Variants in PIGB observed in about 807,000 individuals in gnomAD.
The protein encoded by PIGB is GPI alpha-1,2-mannosyltransferase 3.
Under a neutral mutation model 68.4 loss-of-function variants are expected in PIGB, and 58 were observed. The ratio of observed to expected loss-of-function variants is 0.85; its 90% CI spans 0.69 to 1.06. The LOEUF (loss-of-function observed/expected upper bound fraction) is 1.06. Ranked by LOEUF, PIGB falls within the 50% of genes least tolerant of loss-of-function variation. PIGB has a pLI of 0.00. For synonymous variants in PIGB, 219 were observed against 220.5 expected (o/e 0.99, Z 0.06); for missense variants, 634 against 655.8 (o/e 0.97, Z 0.36).
At chr15:55,344,884 T>G (rs1418524814) in intron 9 of PIGB, among the ~76,000 whole-genome samples, 3 of 149,506 alleles carry the variant, frequency 2.0e-5, no homozygotes, top group Non-Finnish European at 4.4e-5. Context: ...TTTTCCATAT[T>G]CTTATCTTTT....
rs182034904 is a variant in PIGB at position 55,326,584 on chromosome 15, T to C, written c.418-947T>C. Among the ~76,000 whole-genome samples the C allele has an allele frequency of 9.2e-4, 140 of 152,276 alleles. 2 individuals carry two copies. The highest frequency in any genetic ancestry group is 3.3e-3 in the African/African-American group (137 of 41,560). Reference sequence around the variant, plus strand: ...TAAATATACTTTTAAAATAGAAACTTGGCCGAGCACGGTGGCTTACACCTG... The same window carrying C: ...TAAATATACTTTTAAAATAGAAACTCGGCCGAGCACGGTGGCTTACACCTG... On this transcript the variant is annotated intron_variant, in intron 3 of 11. Transcript: ENST00000164305.
intron 10 of PIGB, among the ~76,000 whole-genome samples, chr15:55,352,107 C>T (rs2055939217): frequency 6.6e-6 from 1 of 151,530 alleles, no homozygotes; most frequent in Admixed American, 6.6e-5. Flanking sequence ...TGCCACCATG[C>T]CCGGCTAATT....
At chr15:55,321,646 CTTT>C (rs966940527) in intron 3 of PIGB, among the ~76,000 whole-genome samples, 4,811 of 68,784 alleles carry the variant, frequency 0.07, 61 homozygotes, top group African/African-American at 0.15. Context: ...ATACTTCTTT[CTTT>C]TTTTTTTTTT....
intron 10 of PIGB, among the ~76,000 whole-genome samples, chr15:55,352,451 C>T (rs1213303284): frequency 2.6e-5 from 4 of 152,168 alleles, no homozygotes; most frequent in Non-Finnish European, 1.5e-5. Context: ...ACTAATTACC[C>T]AGTAATGGTA....
chr15:55,341,758 T>C lies in PIGB; in HGVS notation c.1079T>C (p.Phe360Ser). ...LVYSMLSHKE[F>S]RFIYPVLPFC... ...TACAGCATGTTGAGCCACAAAGAATTCAGGTTTATTTATCCAGTTTTACCA... is the reference window on the plus strand; with the variant it reads ...TACAGCATGTTGAGCCACAAAGAATCCAGGTTTATTTATCCAGTTTTACCA... Residue 360 changes from phenylalanine to serine, a missense_variant, in exon 9 of 12, where the codon TTC becomes TCC. Coordinates refer to ENST00000164305, the MANE Select transcript of PIGB (RefSeq NM_004855.5). 1 of 1,457,066 alleles carries C rather than the reference T, an allele frequency of 6.9e-7. No individual in the cohort carries two copies. Among genetic ancestry groups the C allele is most frequent in the Middle Eastern group, 2.0e-4 (1 of 4,886 alleles). The allele number at this position is 1,457,066 out of a possible 1,614,324, so 90.3% of individuals were successfully genotyped here. A position where few individuals can be genotyped will look rare whatever the true frequency, so the allele number is the denominator to read the frequency against.
rs750426912 is a variant in PIGB, at chr15:55,340,603, C to T, written c.847-9C>T. 1.2e-5 allele frequency: 19 copies of T among 1,590,882 alleles called. No homozygotes were observed. The highest frequency in any genetic ancestry group is 1.1e-4 in the East Asian group (5 of 44,550). On this transcript the variant is annotated splice_polypyrimidine_tract_variant and intron_variant, in intron 7 of 11. Coordinates refer to ENST00000164305, the MANE Select transcript of PIGB (RefSeq NM_004855.5). ...ACATTTCTATTTATTTTTCCTTCAA[C>T]GGTGCCAGTGGACTCTGGTTCAATT... is the stretch of plus-strand genomic sequence containing the variant.
At chr15:55,331,650 T>A (rs1011213848) in intron 5 of PIGB, among the ~76,000 whole-genome samples, 1 of 151,730 alleles carries the variant, frequency 6.6e-6, no homozygotes, top group Non-Finnish European at 1.5e-5. Flanking sequence ...GAGGCAGGGG[T>A]TGCAGTCAGT....
At chr15:55,344,890 CTTTTTTTTTTT>C (rs1164109873) in intron 9 of PIGB, among the ~76,000 whole-genome samples, 13 of 98,904 alleles carry the variant, frequency 1.3e-4, no homozygotes, top group African/African-American at 5.5e-4. Flanking sequence ...ATATTCTTAT[CTTTTTTTTTTT>C]TTTTTTTTTT....
intron 9 of PIGB, among the ~76,000 whole-genome samples, chr15:55,344,794 C>G (rs1447439657): frequency 2.0e-5 from 3 of 151,884 alleles, no homozygotes; most frequent in African/African-American, 2.4e-5. Flanking sequence ...GCACCCACTA[C>G]TGATTCTGAG....
chr15:55,336,758 C>T (rs1404630811), intron 6 of PIGB, among the ~76,000 whole-genome samples: 1 of 152,198 alleles, frequency 6.6e-6, no homozygotes, highest in Non-Finnish European at 1.5e-5. Context: ...GAGGCTGAGG[C>T]AGGCACATCA....
At chr15:55,334,782 C>T (rs146748909) in intron 6 of PIGB, among the ~76,000 whole-genome samples, 228 of 152,276 alleles carry the variant, frequency 1.5e-3, no homozygotes, top group African/African-American at 5.3e-3. Flanking sequence ...TGCAGTGGTG[C>T]ATTCTCACTT....
chr15:55,355,408 A>T lies in PIGB; in HGVS notation c.1641A>T (p.Lys547Asn). 6.2e-7 allele frequency: 1 copy of T among 1,607,748 alleles called. No homozygotes were observed. The highest frequency in any genetic ancestry group is 1.1e-5 in the South Asian group (1 of 89,446). The change falls in exon 12 of 12, where the codon AAA (lysine) becomes AAT (asparagine). Residue 547 changes from lysine to asparagine, a missense_variant. By Grantham distance (94) the Lys-to-Asn change is moderately conservative. Transcript: ENST00000164305. ...TCTATGAACGGAAGTTAAAAGGGAA[A>T]TTCAACATGAAGATGAAATTCTGAA... ...IYVYERKLKG[K>N]FNMKMKF
intron 6 of PIGB, among the ~76,000 whole-genome samples, chr15:55,335,999 G>A (rs536163709): frequency 6.7e-6 from 1 of 150,200 alleles, no homozygotes; most frequent in Non-Finnish European, 1.5e-5. Flanking sequence ...TCAGAAGTGA[G>A]TAAGATACAG....
chr15:55,347,983 CTTTTT>C (rs576991463), intron 9 of PIGB, among the ~76,000 whole-genome samples: 11,562 of 93,350 alleles, frequency 0.12, 364 homozygotes, highest in African/African-American at 0.22. Context: ...GCCATAGTTT[CTTTTT>C]TTTTTTTTTT....
At chr15:55,353,079 A>G (rs1483524789) in intron 10 of PIGB, among the ~76,000 whole-genome samples, 1 of 152,180 alleles carries the variant, frequency 6.6e-6, no homozygotes, top group Non-Finnish European at 1.5e-5. Flanking sequence ...ATTAGGGATA[A>G]TACTGAGGAG....
intron 6 of PIGB, among the ~76,000 whole-genome samples, chr15:55,335,816 G>C (rs1595784915): frequency 6.6e-6 from 1 of 152,166 alleles, no homozygotes. Flanking sequence ...GTGGCTAAAA[G>C]AGAGTGAGTT....
chr15:55,340,570 G>A (rs1435567076), intron 7 of PIGB, 42 bp from the exon 8 acceptor site: 4 of 1,321,644 alleles, frequency 3.0e-6, no homozygotes, highest in African/African-American at 2.9e-5. Context: ...TTACTACTTG[G>A]CACTAACACA....
In PIGB at chr15:55,320,375, G is replaced by T. The variant is rs1388468764; in HGVS notation, c.264G>T (p.Trp88Cys). Residue 88 changes from tryptophan (W) to cysteine (C), a missense_variant, in exon 2 of 12, where the codon TGG becomes TGT. Transcript: ENST00000164305. ...CAAGTTTTGTTCCAGATGAATACTG[G>T]CAGTCTCTTGAAGTTTCACATCACA... ...VQTSFVPDEY[W>C]QSLEVSHHMV... is the part of the protein sequence containing the mutation. 1.9e-6 allele frequency: 3 copies of T among 1,613,362 alleles called. No homozygotes were observed. The highest frequency in any genetic ancestry group is 2.7e-5 in the African/African-American group (2 of 74,894).
chr15:55,339,696 A>T (rs904583900), intron 7 of PIGB, among the ~76,000 whole-genome samples: 10 of 152,240 alleles, frequency 6.6e-5, no homozygotes, highest in Admixed American at 5.9e-4. Context: ...TATCCTCTTT[A>T]TCTCTTAACT....
Sources: allele counts gnomAD v4.1 joint callset (sites outside exome capture counted in the v4.1 genomes callset), GRCh38; gene constraint gnomAD v4.1.1; transcripts MANE v1.5; gene names NCBI Gene and HGNC (gene_info 2026-07-23, HGNC 2026-07-21).